The following RBFOX1 variants were observed in gnomAD, a reference collection of about 807,000 sequenced individuals.
RBFOX1 encodes RNA binding fox-1 homolog 1.
A neutral mutation model predicts 57.7 loss-of-function variants in RBFOX1; 8 were observed. The ratio of observed to expected loss-of-function variants is 0.14; its 90% CI spans 0.08 to 0.25. The LOEUF is 0.25. Ranked by LOEUF, RBFOX1 falls within the 10% of genes least tolerant of loss-of-function variation. The pLI, the probability that RBFOX1 is intolerant of heterozygous loss-of-function variation, is 1.00. For synonymous variants in RBFOX1, 326 were observed against 222.4 expected, an observed-to-expected ratio of 1.47 and a Z score of -4.15; for missense variants, 611 against 548.5, an observed-to-expected ratio of 1.11 and a Z score of -1.14.
chr16:7,413,979 A>G (rs1232069754), intron 4 of RBFOX1, among the ~76,000 whole-genome samples: 1 of 152,206 alleles, frequency 6.6e-6, no homozygotes, highest in Non-Finnish European at 1.5e-5. Flanking sequence ...TGGTTCTCAG[A>G]TGTTGGTGAC....
At chr16:5,522,056 G>A (rs1212863919) in intron 2 of RBFOX1, among the ~76,000 whole-genome samples, 2 of 152,238 alleles carry the variant, frequency 1.3e-5, no homozygotes, top group African/African-American at 4.8e-5. Flanking sequence ...TTCTGGAAAT[G>A]TTTCTTGAGT....
At chr16:7,348,928 C>A (rs905571773) in intron 4 of RBFOX1, among the ~76,000 whole-genome samples, 1 of 151,970 alleles carries the variant, frequency 6.6e-6, no homozygotes, top group Non-Finnish European at 1.5e-5. Flanking sequence ...GGTGACACAG[C>A]GAGACTCCAC....
Position 7,333,036 on chromosome 16 carries a change from A to T in RBFOX1, c.28-185111A>T, listed in dbSNP as rs759616730. 1.2e-6 allele frequency: 2 copies of T among 1,613,866 alleles called. No homozygotes were observed. Among genetic ancestry groups the T allele is most frequent in the Non-Finnish European group, 1.7e-6 (2 of 1,179,892 alleles). On this transcript the variant is annotated intron_variant, in intron 4 of 15. Transcript: ENST00000550418. ...TCTCAAGGAGTTCTCCTGCATCCTT[A>T]TGGCGTGCCTATGATTGTACCGGCA...
At chr16:6,553,807 A>G (rs1419617667) in intron 2 of RBFOX1, among the ~76,000 whole-genome samples, 1 of 152,202 alleles carries the variant, frequency 6.6e-6, no homozygotes, top group East Asian at 1.9e-4. Context: ...AAGGAATTTC[A>G]TGGAGACAGC....
chr16:7,063,104 G>T (rs1051538905), intron 4 of RBFOX1, among the ~76,000 whole-genome samples: 1 of 151,752 alleles, frequency 6.6e-6, no homozygotes, highest in Non-Finnish European at 1.5e-5. Flanking sequence ...GTGAATCGGC[G>T]CTGACTTTAT....
At chr16:6,256,588 A>T (rs932554258) in intron 1 of RBFOX1, among the ~76,000 whole-genome samples, 1 of 152,084 alleles carries the variant, frequency 6.6e-6, no homozygotes, top group Non-Finnish European at 1.5e-5. Flanking sequence ...GATATAATCA[A>T]TATGTCAACA....
chr16:6,301,642 A>G (rs2078832514), intron 1 of RBFOX1, among the ~76,000 whole-genome samples: 1 of 152,052 alleles, frequency 6.6e-6, no homozygotes, highest in African/African-American at 2.4e-5. Context: ...TTTTCTCTTT[A>G]TTTTGCTGTG....
chr16:5,442,917 A>T (rs1292158177), intron 1 of RBFOX1, among the ~76,000 whole-genome samples: 2 of 152,180 alleles, frequency 1.3e-5, no homozygotes, highest in Non-Finnish European at 2.9e-5. Context: ...CCTGAAATCC[A>T]GTGTCTAATG....
intron 2 of RBFOX1, among the ~76,000 whole-genome samples, chr16:6,580,632 G>A (rs2097524160): frequency 6.6e-6 from 1 of 152,156 alleles, no homozygotes; most frequent in South Asian, 2.1e-4. Flanking sequence ...GACCAACCTT[G>A]GTTGATTCTT....
intron 2 of RBFOX1, among the ~76,000 whole-genome samples, chr16:6,477,862 A>G (rs752480131): frequency 7.2e-5 from 11 of 152,208 alleles, no homozygotes; most frequent in Non-Finnish European, 1.5e-4. Context: ...CAGCTTCTCC[A>G]TCAGCACTTG....
chr16:6,020,266 G>T (rs1483859163), intron 1 of RBFOX1, among the ~76,000 whole-genome samples: 1 of 152,066 alleles, frequency 6.6e-6, no homozygotes, highest in Non-Finnish European at 1.5e-5. Context: ...AAGCATCCAG[G>T]CTACCTCGTC....
intron 3 of RBFOX1, among the ~76,000 whole-genome samples, chr16:7,051,236 A>G (rs570920339): frequency 6.6e-6 from 1 of 152,324 alleles, no homozygotes; most frequent in South Asian, 2.1e-4. Flanking sequence ...TGACAGAATG[A>G]CCATATATCT....
intron 1 of RBFOX1, among the ~76,000 whole-genome samples, chr16:5,290,444 A>G (rs982344498): frequency 3.3e-5 from 5 of 152,176 alleles, no homozygotes; most frequent in Non-Finnish European, 7.3e-5. Flanking sequence ...GGTGATGAAA[A>G]TGTTTTAAAA....
At chr16:7,508,837 T>G (rs1327730654) in intron 4 of RBFOX1, among the ~76,000 whole-genome samples, 1 of 152,154 alleles carries the variant, frequency 6.6e-6, no homozygotes, top group African/African-American at 2.4e-5. Context: ...AGAAACCCCA[T>G]CCATTCCTTC....
At chr16:6,379,010 C>G (rs1032464952) in intron 2 of RBFOX1, among the ~76,000 whole-genome samples, 10 of 152,092 alleles carry the variant, frequency 6.6e-5, no homozygotes, top group African/African-American at 2.2e-4. Context: ...GAGAGCTCTT[C>G]ACGTGGGAGG....
At chr16:6,478,889 C>A (rs888198865) in intron 2 of RBFOX1, among the ~76,000 whole-genome samples, 1 of 152,038 alleles carries the variant, frequency 6.6e-6, no homozygotes, top group African/African-American at 2.4e-5. Context: ...AGTAACAGAT[C>A]TAGCAATAAT....
intron 3 of RBFOX1, among the ~76,000 whole-genome samples, chr16:6,733,294 G>A (rs1366885302): frequency 2.0e-5 from 3 of 152,098 alleles, no homozygotes; most frequent in Non-Finnish European, 2.9e-5. Context: ...GACTTGGGAT[G>A]ATAGAAACAG....
At chr16:5,302,967 G>T (rs1422221228) in intron 1 of RBFOX1, among the ~76,000 whole-genome samples, 1 of 152,144 alleles carries the variant, frequency 6.6e-6, no homozygotes, top group African/African-American at 2.4e-5. Flanking sequence ...AGTCTATCTT[G>T]GCTTTTATTT....
At chr16:5,431,822 C>T (rs1193568596) in intron 1 of RBFOX1, among the ~76,000 whole-genome samples, 1 of 152,192 alleles carries the variant, frequency 6.6e-6, no homozygotes, top group Non-Finnish European at 1.5e-5. Flanking sequence ...ACACCCAGTG[C>T]TGTTTGTCCC....
Sources: gnomAD v4.1 joint callset for allele counts (sites outside exome capture counted in the v4.1 genomes callset) on GRCh38, gnomAD v4.1.1 for gene constraint, MANE v1.5 for transcripts, NCBI Gene and HGNC (gene_info 2026-07-23, HGNC 2026-07-21) for gene names.